The following FRAS1 variants were observed in gnomAD, a reference collection of about 807,000 sequenced individuals.
FRAS1 encodes extracellular matrix organizing protein FRAS1.
A neutral mutation model predicts 435.2 loss-of-function variants in FRAS1; 290 were observed. The observed-to-expected ratio is 0.67, with a 90% CI of 0.61 to 0.73. The LOEUF (loss-of-function observed/expected upper bound fraction) is 0.73. Ranked by LOEUF, FRAS1 falls within the 30% of genes least tolerant of loss-of-function variation. FRAS1 has a pLI of 0.00. For missense variants in FRAS1, 4,860 were observed against 5,001.5 expected, an observed-to-expected ratio of 0.97 and a Z score of 0.85; for synonymous variants, 1,800 against 1,851.0, an observed-to-expected ratio of 0.97 and a Z score of 0.71.
intron 2 of FRAS1, among the ~76,000 whole-genome samples, chr4:78,105,516 T>C (rs1472459070): frequency 1.3e-5 from 2 of 152,152 alleles, no homozygotes; most frequent in Non-Finnish European, 2.9e-5. Context: ...TGAGGAAAGA[T>C]AACAGGAGGG....
chr4:78,372,810 G>A lies in FRAS1; in HGVS notation c.2962G>A (p.Val988Met), dbSNP rs368228939. Reference protein sequence around the residue: ...DGYVLQDGACVEQCLSSFYQD... With the variant: ...DGYVLQDGACMEQCLSSFYQD... Reference sequence around the variant, plus strand: ...CTATGTTCTCCAGGATGGGGCCTGCGTGGAGCAGTGCTTGTCATCATTTTA... The same window carrying A: ...CTATGTTCTCCAGGATGGGGCCTGCATGGAGCAGTGCTTGTCATCATTTTA... The change falls in exon 24 of 74, where the codon GTG (valine) becomes ATG (methionine). Residue 988 changes from valine (V) to methionine (M), a missense_variant. Transcript: ENST00000512123. The A allele has an allele frequency of 6.9e-5, 111 of 1,613,058 alleles. No homozygotes were observed. The highest frequency in any genetic ancestry group is 6.2e-4 in the Admixed American group (37 of 60,010).
chr4:78,475,352 C>A (rs1409076279), intron 53 of FRAS1, 86 bp from the exon 54 acceptor site: 3 of 1,468,676 alleles, frequency 2.0e-6, no homozygotes, highest in Middle Eastern at 1.7e-4. Context: ...ATGCCAAGAA[C>A]CAAATGGAAG....
chr4:78,362,550 G>T (rs1171856506), intron 20 of FRAS1, among the ~76,000 whole-genome samples: 1 of 152,198 alleles, frequency 6.6e-6, no homozygotes, highest in Non-Finnish European at 1.5e-5. Context: ...GAAACATGGT[G>T]GCACCCAGGT....
intron 14 of FRAS1, among the ~76,000 whole-genome samples, chr4:78,305,580 C>G (rs888366700): frequency 1.5e-5 from 2 of 130,732 alleles, no homozygotes; most frequent in African/African-American, 5.7e-5. Context: ...GGATAGTTAG[C>G]TCTTCTTGTT....
intron 29 of FRAS1, among the ~76,000 whole-genome samples, chr4:78,388,274 G>A (rs7657470): frequency 0.022 from 3,230 of 149,526 alleles, 134 homozygotes; most frequent in African/African-American, 0.075. Flanking sequence ...GCAGTGAGCC[G>A]AGATCGCGCC....
At chr4:78,347,448 A>T (rs930530951) in intron 20 of FRAS1, among the ~76,000 whole-genome samples, 4 of 152,174 alleles carry the variant, frequency 2.6e-5, no homozygotes, top group African/African-American at 7.2e-5. Flanking sequence ...AAACTTGTCG[A>T]TGCCTTCCCA....
chr4:78,339,680 A>C (rs1296292584), intron 20 of FRAS1, among the ~76,000 whole-genome samples: 3 of 152,236 alleles, frequency 2.0e-5, no homozygotes, highest in African/African-American at 7.2e-5. Flanking sequence ...AACCTGGGTG[A>C]CAAACATGGT....
chr4:78,104,008 T>C (rs1222236479), intron 2 of FRAS1, among the ~76,000 whole-genome samples: 1 of 152,176 alleles, frequency 6.6e-6, no homozygotes, highest in African/African-American at 2.4e-5. Flanking sequence ...GAATGCAACA[T>C]GCACTTGTAA....
intron 70 of FRAS1, among the ~76,000 whole-genome samples, chr4:78,528,903 C>G (rs1721627352): frequency 6.6e-6 from 1 of 152,120 alleles, no homozygotes; most frequent in Non-Finnish European, 1.5e-5. Context: ...TGCACGCGCT[C>G]CCTTTCCCGT....
At chr4:78,167,895 A>G (rs147531665) in intron 2 of FRAS1, among the ~76,000 whole-genome samples, 3,202 of 152,222 alleles carry the variant, frequency 0.021, 55 homozygotes, top group Middle Eastern at 0.061. Flanking sequence ...CTTTTAGCTC[A>G]TAAACTAAGG....
intron 20 of FRAS1, among the ~76,000 whole-genome samples, chr4:78,340,930 A>G (rs1426430780): frequency 2.6e-5 from 4 of 152,200 alleles, no homozygotes; most frequent in Non-Finnish European, 5.9e-5. Flanking sequence ...TAAAGGCCCT[A>G]TATCCAACTA....
intron 2 of FRAS1, among the ~76,000 whole-genome samples, chr4:78,216,303 T>C (rs746496734): frequency 6.6e-6 from 1 of 152,258 alleles, no homozygotes; most frequent in Non-Finnish European, 1.5e-5. Flanking sequence ...TAACTCAGTA[T>C]GGATGAATAT....
At chr4:78,472,053 A>G in intron 51 of FRAS1, 127 bp from the exon 52 acceptor site, 1 of 975,288 alleles carries the variant, frequency 1.0e-6, no homozygotes, top group Non-Finnish European at 1.6e-6. Flanking sequence ...TCCAATCCTG[A>G]CAGAGCTTTC....
Position 78,441,176 on chromosome 4 carries a change from G to C in FRAS1, c.5544G>C (p.Gly1848=). The C allele has an allele frequency of 6.2e-7, 1 of 1,613,736 alleles. No individual in the cohort carries two copies. The highest frequency in any genetic ancestry group is 1.1e-5 in the South Asian group (1 of 91,046). ...FADLITVDEG[G]RAPLSFHHFF... is the part of the protein sequence containing the mutation. ...TTCTTTCTTAGGTTGATGAGGGAGG[G>C]AGAGCACCACTCTCATTTCACCATT... Residue 1848 remains glycine (G), a synonymous_variant, in exon 41 of 74, where the codon GGG becomes GGC. Coordinates refer to ENST00000512123, the MANE Select transcript of FRAS1 (RefSeq NM_025074.7).
intron 2 of FRAS1, among the ~76,000 whole-genome samples, chr4:78,147,581 G>A (rs79785111): frequency 0.013 from 1,910 of 152,246 alleles, 25 homozygotes; most frequent in Non-Finnish European, 0.016. Context: ...GACCAATTAA[G>A]GGCAAGTGGA....
chr4:78,190,774 A>G (rs1490071816), intron 2 of FRAS1, among the ~76,000 whole-genome samples: 2 of 152,180 alleles, frequency 1.3e-5, no homozygotes, highest in Non-Finnish European at 2.9e-5. Context: ...GCAATGTACT[A>G]GGCTGACAGT....
At chr4:78,164,738 AT>A (rs1721270295) in intron 2 of FRAS1, among the ~76,000 whole-genome samples, 1 of 152,114 alleles carries the variant, frequency 6.6e-6, no homozygotes, top group Non-Finnish European at 1.5e-5. Context: ...GCTTTATAAT[AT>A]TTTCTTTATT....
At chr4:78,226,131 T>G (rs879540880) in intron 2 of FRAS1, among the ~76,000 whole-genome samples, 1 of 152,198 alleles carries the variant, frequency 6.6e-6, no homozygotes, top group South Asian at 2.1e-4. Flanking sequence ...TTCTCAGCCA[T>G]TACTATAACC....
At chr4:78,322,743 G>T (rs1729559726) in intron 18 of FRAS1, among the ~76,000 whole-genome samples, 1 of 152,106 alleles carries the variant, frequency 6.6e-6, no homozygotes, top group African/African-American at 2.4e-5. Context: ...AATTAACAGT[G>T]ATCAAAAGGA....
Sources: allele counts gnomAD v4.1 joint callset (sites outside exome capture counted in the v4.1 genomes callset), GRCh38; gene constraint gnomAD v4.1.1; transcripts MANE v1.5; gene names NCBI Gene and HGNC (gene_info 2026-07-23, HGNC 2026-07-21).